SOBP: variants seen among roughly 807,000 people sequenced by gnomAD.
SOBP encodes the protein sine oculis-binding protein homolog.
SOBP carries 4 observed loss-of-function variants against 53.6 expected under a neutral mutation model. The observed-to-expected ratio is 0.07, with a 90% CI of 0.04 to 0.17. SOBP has a LOEUF of 0.17. Ranked by LOEUF, SOBP falls within the 10% of genes least tolerant of loss-of-function variation. The pLI is 1.00. For synonymous variants in SOBP, 584 were observed against 522.6 expected (o/e 1.12, Z -1.60); for missense variants, 1,088 against 1,204.7 (o/e 0.90, Z 1.43).
At chr6:107,547,996 C>A (rs1784350469) in intron 4 of SOBP, among the ~76,000 whole-genome samples, 1 of 152,166 alleles carries the variant, frequency 6.6e-6, no homozygotes, top group Non-Finnish European at 1.5e-5. Context: ...GGTAGACTTA[C>A]AACCCAGTCC....
intron 6 of SOBP, among the ~76,000 whole-genome samples, chr6:107,650,815 G>A (rs1771772242): frequency 1.3e-5 from 2 of 152,182 alleles, no homozygotes; most frequent in Non-Finnish European, 2.9e-5. Flanking sequence ...TTAAGTGAAA[G>A]GAGGAGACCC....
chr6:107,492,607 G>A (rs1782607605), intron 1 of SOBP, among the ~76,000 whole-genome samples: 1 of 152,106 alleles, frequency 6.6e-6, no homozygotes, highest in Non-Finnish European at 1.5e-5. Flanking sequence ...TGTCTGAACT[G>A]GTGAGGAAGA....
chr6:107,536,940 A>G (rs1784016487), intron 4 of SOBP, among the ~76,000 whole-genome samples: 1 of 152,218 alleles, frequency 6.6e-6, no homozygotes, highest in Non-Finnish European at 1.5e-5. Context: ...ATACTTATGT[A>G]GTCTGTGGGC....
chr6:107,502,939 T>C (rs1298132804), intron 1 of SOBP, among the ~76,000 whole-genome samples: 1 of 152,106 alleles, frequency 6.6e-6, no homozygotes, highest in African/African-American at 2.4e-5. Flanking sequence ...TTTTGTATAT[T>C]TGGTAGACAA....
chr6:107,532,950 C>T (rs1480926511), intron 3 of SOBP, among the ~76,000 whole-genome samples: 2 of 152,064 alleles, frequency 1.3e-5, no homozygotes, highest in African/African-American at 4.8e-5. Context: ...CAAGAATAAA[C>T]AATAGCACAT....
intron 4 of SOBP, among the ~76,000 whole-genome samples, chr6:107,575,585 G>A (rs968842951): frequency 2.6e-5 from 4 of 152,112 alleles, no homozygotes; most frequent in Non-Finnish European, 4.4e-5. Flanking sequence ...AAGGGGTGGG[G>A]CTGCTCACTG....
At chr6:107,602,564 G>A (rs576783664) in intron 5 of SOBP, among the ~76,000 whole-genome samples, 95 of 65,178 alleles carry the variant, frequency 1.5e-3, no homozygotes, top group South Asian at 5.8e-3. Flanking sequence ...CAACTAAGCC[G>A]CGTTAAAAAA....
chr6:107,496,670 T>G (rs1423822012), intron 1 of SOBP, among the ~76,000 whole-genome samples: 1 of 152,068 alleles, frequency 6.6e-6, no homozygotes, highest in Non-Finnish European at 1.5e-5. Flanking sequence ...GTAGTTCAGG[T>G]AAAAACAGCA....
chr6:107,603,040 T>C (rs911738440), intron 5 of SOBP, among the ~76,000 whole-genome samples: 15 of 152,076 alleles, frequency 9.9e-5, no homozygotes, highest in Non-Finnish European at 1.8e-4. Context: ...CTACTGTGAT[T>C]AATGGCTGTC....
chr6:107,608,107 A>AG (rs1786457246), intron 5 of SOBP, among the ~76,000 whole-genome samples: 1 of 152,220 alleles, frequency 6.6e-6, no homozygotes, highest in Admixed American at 6.5e-5. Context: ...TCCTGAAGGA[A>AG]GGATAGATAA....
chr6:107,509,752 T>A (rs1262134196), intron 3 of SOBP: 1 of 152,176 alleles, frequency 6.6e-6, no homozygotes, highest in Non-Finnish European at 1.5e-5. Flanking sequence ...GGCCAAAAAT[T>A]GAGCCTTGAA....
intron 6 of SOBP, among the ~76,000 whole-genome samples, chr6:107,653,623 G>C (rs1265057401): frequency 6.6e-6 from 1 of 152,196 alleles, no homozygotes; most frequent in African/African-American, 2.4e-5. Context: ...GAGGAAGACA[G>C]GACAGACCTA....
chr6:107,491,542 C>T (rs907855393), intron 1 of SOBP, among the ~76,000 whole-genome samples: 2 of 152,264 alleles, frequency 1.3e-5, no homozygotes, highest in Admixed American at 6.5e-5. Flanking sequence ...AGAGCAATTG[C>T]ACAAGAGCAC....
At chr6:107,510,051 C>A (rs1330734395) in intron 3 of SOBP, among the ~76,000 whole-genome samples, 1 of 152,192 alleles carries the variant, frequency 6.6e-6, no homozygotes, top group African/African-American at 2.4e-5. Context: ...TTGATTTAGT[C>A]ATACTATCTA....
chr6:107,601,636 CCT>C (rs1410422022), intron 5 of SOBP, among the ~76,000 whole-genome samples: 6 of 152,182 alleles, frequency 3.9e-5, no homozygotes, highest in Non-Finnish European at 8.8e-5. Context: ...TCTGTCTCTT[CCT>C]CTCTCTGTGT....
rs115529716 is a variant in SOBP, at chr6:107,639,341, T to C, written c.*3+3872T>C. On this transcript the variant is annotated intron_variant, in intron 6 of 6. Transcript: ENST00000317357. Reference sequence around the variant, plus strand: ...CTTTGTAAATTATAGGGTTTTTTTTTCCCCATTTGGAAATTATTCTGTTCC... The same window carrying C: ...CTTTGTAAATTATAGGGTTTTTTTTCCCCCATTTGGAAATTATTCTGTTCC... Among the ~76,000 whole-genome samples the C allele has an allele frequency of 9.7e-3, 1,484 of 152,318 alleles. 26 individuals carry two copies. Among genetic ancestry groups the C allele is most frequent in the African/African-American group, 0.034 (1,400 of 41,546 alleles).
At chr6:107,540,201 T>G (rs1319284566) in intron 4 of SOBP, among the ~76,000 whole-genome samples, 1 of 152,240 alleles carries the variant, frequency 6.6e-6, no homozygotes, top group Non-Finnish European at 1.5e-5. Flanking sequence ...ATGCCTAGTA[T>G]AGTCGAGAGG....
intron 5 of SOBP, among the ~76,000 whole-genome samples, chr6:107,620,244 T>C (rs1271646560): frequency 9.2e-5 from 14 of 152,184 alleles, no homozygotes; most frequent in Admixed American, 9.2e-4. Flanking sequence ...CAGTTTGGCT[T>C]CTACTCCATC....
intron 5 of SOBP, among the ~76,000 whole-genome samples, chr6:107,623,363 C>T (rs847018): frequency 6.6e-6 from 1 of 152,216 alleles, no homozygotes; most frequent in African/African-American, 2.4e-5. Flanking sequence ...TGGATAGATC[C>T]GTATTTAGAG....
Sources: gnomAD v4.1 joint callset for allele counts (sites outside exome capture counted in the v4.1 genomes callset) on GRCh38, gnomAD v4.1.1 for gene constraint, MANE v1.5 for transcripts, NCBI Gene and HGNC (gene_info 2026-07-23, HGNC 2026-07-21) for gene names.